Variants in CCDC50 observed in about 807,000 individuals in gnomAD.
The protein encoded by CCDC50 is coiled-coil domain-containing protein 50.
A neutral mutation model predicts 70.2 loss-of-function variants in CCDC50; 54 were observed. That is an observed-to-expected ratio of 0.77 (90% CI 0.62 to 0.96). CCDC50 has a LOEUF of 0.96. Among genes scored for constraint, CCDC50 ranks in the 50% least tolerant of loss-of-function variants. The pLI is 0.00. For missense variants in CCDC50, 558 were observed against 578.7 expected, an observed-to-expected ratio of 0.96 and a Z score of 0.37; for synonymous variants, 216 against 198.8, an observed-to-expected ratio of 1.09 and a Z score of -0.73.
intron 10 of CCDC50, among the ~76,000 whole-genome samples, chr3:191,383,753 G>A (rs1039983746): frequency 6.6e-6 from 1 of 151,962 alleles, no homozygotes; most frequent in African/African-American, 2.4e-5. Flanking sequence ...AATTACATTG[G>A]GTTTGTATTG....
chr3:191,383,419 C>T (rs990259631), intron 10 of CCDC50, among the ~76,000 whole-genome samples: 1 of 145,420 alleles, frequency 6.9e-6, no homozygotes, highest in Non-Finnish European at 1.5e-5. Flanking sequence ...GAAGTAACCT[C>T]TTTTTTTTTT....
intron 6 of CCDC50, among the ~76,000 whole-genome samples, chr3:191,376,792 A>G (rs369894598): frequency 8.5e-5 from 13 of 152,254 alleles, no homozygotes; most frequent in South Asian, 8.3e-4. Flanking sequence ...AAAGTGTGAT[A>G]TAATCTGTCT....
intron 10 of CCDC50, among the ~76,000 whole-genome samples, chr3:191,386,494 C>G (rs900293205): frequency 7.9e-5 from 12 of 152,002 alleles, no homozygotes; most frequent in African/African-American, 2.7e-4. Context: ...CAAAGTGCTG[C>G]GATTACAGGC....
rs142679286 is a variant in CCDC50, at chr3:191,375,311, C to A, written c.698C>A (p.Pro233His). 9.9e-6 allele frequency: 16 copies of A among 1,613,614 alleles called. No individual in the cohort carries two copies. The African/African-American group carries it at 2.1e-4, about 22-fold the overall frequency. The part of the protein sequence containing the change: ...HERKRSTQER[P>H]RRPLLPTISG... The stretch of plus-strand genomic sequence containing the variant: ...AGGAAACGGTCCACTCAGGAGAGGC[C>A]TCGGAGACCTCTGCTTCCCACGATC... The change falls in exon 6 of 12, where the codon CCT (proline) becomes CAT (histidine). Residue 233 changes from proline to histidine, a missense_variant. Transcript: ENST00000392455.
intron 1 of CCDC50, among the ~76,000 whole-genome samples, chr3:191,336,192 T>C (rs1244739846): frequency 6.6e-6 from 1 of 151,926 alleles, no homozygotes; most frequent in African/African-American, 2.4e-5. Flanking sequence ...TTCCCTCGAA[T>C]GGACTTTCTG....
At chr3:191,380,035 G>T (rs1713255867) in intron 6 of CCDC50, 124 bp from the exon 7 acceptor site, 1 of 678,196 alleles carries the variant, frequency 1.5e-6, no homozygotes, top group Non-Finnish European at 2.6e-6. Context: ...ACTGTATTCT[G>T]GAGTAGAGGT....
At chr3:191,345,558 A>G (rs902982660) in intron 1 of CCDC50, among the ~76,000 whole-genome samples, 5 of 152,098 alleles carry the variant, frequency 3.3e-5, no homozygotes, top group Non-Finnish European at 5.9e-5. Flanking sequence ...GCTGATAATG[A>G]TGTAGATGGT....
At chr3:191,370,756 T>G (rs368973836) in intron 5 of CCDC50, among the ~76,000 whole-genome samples, 6 of 152,144 alleles carry the variant, frequency 3.9e-5, no homozygotes, top group African/African-American at 1.4e-4. Context: ...CCCAAAGTGC[T>G]GGGATTACAG....
chr3:191,394,611 C>T lies in CCDC50; in HGVS notation c.*2851C>T, dbSNP rs961686673. The T allele has an allele frequency of 6.6e-6, 1 of 152,196 alleles. No homozygotes were observed. The highest frequency in any genetic ancestry group is 2.1e-4 in the South Asian group (1 of 4,824). The allele number at this position is 152,196 out of a possible 1,614,324, so 9.4% of individuals were successfully genotyped here. On this transcript the variant is annotated 3_prime_UTR_variant, in exon 12 of 12. Transcript: ENST00000392455. ...ACCTTTCTGTTTCTGTATCTTTGTC[C>T]TTTGGAGGCCAGGCCTCATTAACAC...
At position 191,351,199 on chromosome 3, in the gene CCDC50, G is replaced by A. The variant is rs962733474; in HGVS notation, c.50-5889G>A. Among the ~76,000 whole-genome samples the A allele has an allele frequency of 1.4e-4, 20 of 141,770 alleles. 2 individuals carry two copies. Among genetic ancestry groups the A allele is most frequent in the Non-Finnish European group, 2.5e-4 (16 of 62,928 alleles). The allele number at this position is 141,770 out of a possible 152,430, so 93.0% of individuals were successfully genotyped here. A position where few individuals can be genotyped will look rare whatever the true frequency, so the allele number is the denominator to read the frequency against. The stretch of plus-strand genomic sequence containing the variant: ...TTTTTAAAATAACAATCTGAAATAC[G>A]TTTTATGAAAAATGCTCAGAGTTTA... On this transcript the variant is annotated intron_variant, in intron 1 of 11. Coordinates refer to ENST00000392455, the MANE Select transcript of CCDC50 (RefSeq NM_178335.3).
rs553782471 is a variant in CCDC50 at position 191,347,157 on chromosome 3, A to G, written c.50-9931A>G. 2.8e-5 allele frequency among the ~76,000 whole-genome samples: 4 copies of G among 142,702 alleles called. 1 individual carries two copies. The South Asian group carries it at 8.9e-4, about 32-fold the overall frequency. The allele number at this position is 142,702 out of a possible 152,430, so 93.6% of individuals were successfully genotyped here. ...GCTTTCTATCTGTGATGTTTATTGCAGGATAATTAACCCGGAAAATGTCTT... is the reference window on the plus strand; with the variant it reads ...GCTTTCTATCTGTGATGTTTATTGCGGGATAATTAACCCGGAAAATGTCTT... On this transcript the variant is annotated intron_variant, in intron 1 of 11. Coordinates refer to ENST00000392455, the MANE Select transcript of CCDC50 (RefSeq NM_178335.3).
chr3:191,397,879 C>G lies in CCDC50; in HGVS notation c.*6119C>G, dbSNP rs1302025291. The G allele has an allele frequency of 1.3e-5, 2 of 152,220 alleles. No individual in the cohort carries two copies. Among genetic ancestry groups the G allele is most frequent in the South Asian group, 2.1e-4 (1 of 4,826 alleles). 9.4% of individuals were successfully genotyped at this position (152,220 alleles called of 1,614,324 possible). ...ACAGAACCTTGATGGAATGCAGTTG[C>G]CTGTGTGAGGACAGAAAACAAAGAG... is the stretch of plus-strand genomic sequence containing the variant. On this transcript the variant is annotated 3_prime_UTR_variant, in exon 12 of 12. Coordinates refer to ENST00000392455, the MANE Select transcript of CCDC50 (RefSeq NM_178335.3).
At chr3:191,390,578 T>TA (rs962097202) in intron 11 of CCDC50, among the ~76,000 whole-genome samples, 23 of 152,156 alleles carry the variant, frequency 1.5e-4, no homozygotes, top group African/African-American at 4.3e-4. Flanking sequence ...CCTTATAGGG[T>TA]AACTTCTGAT....
chr3:191,369,472 G>A (rs1266880557), intron 4 of CCDC50, among the ~76,000 whole-genome samples: 1 of 151,988 alleles, frequency 6.6e-6, no homozygotes, highest in African/African-American at 2.4e-5. Flanking sequence ...CTCTTTTTTG[G>A]TTAAGACAGT....
chr3:191,345,528 A>G (rs1711884089), intron 1 of CCDC50, among the ~76,000 whole-genome samples: 1 of 152,070 alleles, frequency 6.6e-6, no homozygotes, highest in South Asian at 2.1e-4. Flanking sequence ...CCAATAAGTT[A>G]CCCACTTTAC....
chr3:191,388,023 AGT>A (rs1713556953), intron 10 of CCDC50, among the ~76,000 whole-genome samples: 1 of 152,128 alleles, frequency 6.6e-6, no homozygotes, highest in African/African-American at 2.4e-5. Flanking sequence ...ATTAAAGATA[AGT>A]GTTAAAAATA....
intron 1 of CCDC50, among the ~76,000 whole-genome samples, chr3:191,349,966 A>AT (rs1712048855): frequency 1.9e-5 from 2 of 105,620 alleles, no homozygotes; most frequent in African/African-American, 3.1e-5. Context: ...ATTTAATAAT[A>AT]CCCCCCCCCT....
At chr3:191,373,459 CTTTT>C (rs1712983607) in intron 5 of CCDC50, among the ~76,000 whole-genome samples, 1 of 152,020 alleles carries the variant, frequency 6.6e-6, no homozygotes, top group Non-Finnish European at 1.5e-5. Context: ...AAACCCAATT[CTTTT>C]TGTTTATTTT....
intron 1 of CCDC50, among the ~76,000 whole-genome samples, chr3:191,354,603 A>C (rs1024842355): frequency 3.3e-5 from 5 of 152,152 alleles, no homozygotes; most frequent in African/African-American, 1.2e-4. Flanking sequence ...GCTTTTTGTA[A>C]TCTATAGAAT....
Sources: allele counts gnomAD v4.1 joint callset (sites outside exome capture counted in the v4.1 genomes callset), GRCh38; gene constraint gnomAD v4.1.1; transcripts MANE v1.5; gene names NCBI Gene and HGNC (gene_info 2026-07-23, HGNC 2026-07-21).